DOT1L: variants seen among roughly 807,000 people sequenced by gnomAD.
DOT1L encodes histone-lysine N-methyltransferase, H3 lysine-79 specific.
Under a neutral mutation model 153.3 loss-of-function variants are expected in DOT1L, and 33 were observed. The ratio of observed to expected loss-of-function variants is 0.22; its 90% CI spans 0.16 to 0.29. The LOEUF is 0.29. Ranked by LOEUF, DOT1L falls within the 10% of genes least tolerant of loss-of-function variation. The probability of loss-of-function intolerance (pLI) is 1.00; values close to 1 mark genes in which losing one functional copy is unlikely to be tolerated. For synonymous variants in DOT1L, 1,135 were observed against 965.1 expected (o/e 1.18, Z -3.26); for missense variants, 1,847 against 2,119.9 (o/e 0.87, Z 2.53).
Position 2,222,509 on chromosome 19 carries a change from G to C in DOT1L, c.3340G>C (p.Ala1114Pro), listed in dbSNP as rs771710239. The C allele has an allele frequency of 9.5e-6, 15 of 1,575,556 alleles. No homozygotes were observed. Among genetic ancestry groups the C allele is most frequent in the Non-Finnish European group, 1.3e-5 (15 of 1,164,294 alleles). Residue 1114 changes from alanine (A) to proline (P), a missense_variant, in exon 24 of 28, where the codon GCT becomes CCT. Coordinates refer to ENST00000398665, the MANE Select transcript of DOT1L (RefSeq NM_032482.3). The surrounding 1 kb of genome is among the most constrained non-coding windows in gnomAD (Gnocchi z 6.5). ...SPKRRALPSV[A>P]GLFTQPSGSP... ...CAAGCGCCGAGCCCTGCCGTCCGTC[G>C]CTGGCCTTTTCACACAGCCTTCGGG...
chr19:2,185,740 G>C, intron 2 of DOT1L, 115 bp from the exon 3 acceptor site: 1 of 1,136,526 alleles, frequency 8.8e-7, no homozygotes. Context: ...CTGCACTCCA[G>C]CCTGGGCAAC....
chr19:2,173,964 T>G (rs116853588), intron 1 of DOT1L, among the ~76,000 whole-genome samples: 3,674 of 152,194 alleles, frequency 0.024, 75 homozygotes, highest in Non-Finnish European at 0.041. Flanking sequence ...TTGGGCTGTT[T>G]GTTTGTTTGT....
At position 2,214,467 on chromosome 19, in the gene DOT1L, T is replaced by C. The variant is rs1455071117; in HGVS notation, c.1798-4T>C. The C allele has an allele frequency of 1.2e-6, 2 of 1,612,564 alleles. No individual in the cohort carries two copies. Among genetic ancestry groups the C allele is most frequent in the Non-Finnish European group, 1.7e-6 (2 of 1,179,694 alleles). ...TCGCAACTGTCCCATCCCTATCCCC[T>C]CAGCTCAAGGCTCGCTGCGAGGAGC... On this transcript the variant is annotated splice_region_variant and splice_polypyrimidine_tract_variant and intron_variant, in intron 18 of 27. Transcript: ENST00000398665.
intron 8 of DOT1L, among the ~76,000 whole-genome samples, chr19:2,201,243 C>G (rs970740657): frequency 6.6e-6 from 1 of 151,086 alleles, no homozygotes; most frequent in Non-Finnish European, 1.5e-5. Context: ...TCCTCGTCCT[C>G]CCCTCATTCC....
intron 3 of DOT1L, among the ~76,000 whole-genome samples, chr19:2,188,894 GCCGGTGTTTCTTGTGGCTCACGTGC>G (rs2022667648): frequency 1.3e-5 from 2 of 152,200 alleles, no homozygotes; most frequent in African/African-American, 4.8e-5. Flanking sequence ...GGGCCGCGTG[GCCGGTGTTTCTTGTGGCTCACGTGC>G]CCCACAGACA....
intron 8 of DOT1L, among the ~76,000 whole-genome samples, chr19:2,200,185 C>T (rs1435666502): frequency 6.6e-6 from 1 of 152,172 alleles, no homozygotes; most frequent in East Asian, 1.9e-4. Context: ...CCCGTTCCTG[C>T]TGCCTGTCCC....
Position 2,227,765 on chromosome 19 carries a change from C to T in DOT1L, c.4606+638C>T, listed in dbSNP as rs978284383. On this transcript the variant is annotated intron_variant, in intron 27 of 27. Transcript: ENST00000398665. ...TCTTTAACCACGCGGTGCCCTCCGC[C>T]TCTGCTCATCCGTTTGGAGCCCGTG... The T allele has an allele frequency of 6.1e-6, 8 of 1,320,310 alleles. No individual in the cohort carries two copies. In the Admixed American group the frequency reaches 8.7e-5, roughly 14 times the overall value. 81.8% of individuals were successfully genotyped at this position (1,320,310 alleles called of 1,614,324 possible).
At position 2,210,506 on chromosome 19, in the gene DOT1L, C is replaced by T. The variant is rs777319247; in HGVS notation, c.1112C>T (p.Pro371Leu). Reference sequence around the variant, plus strand: ...AAGGTGGCCGGCCCCGCCGACGCCCCCATGGTAAGGCCCCAGCCTGGCTCC... The same window carrying T: ...AAGGTGGCCGGCCCCGCCGACGCCCTCATGGTAAGGCCCCAGCCTGGCTCC... Reference protein sequence around the residue: ...EGKVAGPADAPMDSGAEEEKA... With the variant: ...EGKVAGPADALMDSGAEEEKA... The change falls in exon 13 of 28, where the codon CCC becomes CTC. Residue 371 changes from proline to leucine, a missense_variant. This residue lies in a region of DOT1L where 205 missense variants were observed against 203.1 expected (regional missense o/e 1.01). Coordinates refer to ENST00000398665, the MANE Select transcript of DOT1L (RefSeq NM_032482.3). 1.9e-6 allele frequency: 3 copies of T among 1,595,546 alleles called. No homozygotes were observed. Among genetic ancestry groups the T allele is most frequent in the African/African-American group, 2.7e-5 (2 of 74,398 alleles).
chr19:2,216,463 T>C lies in DOT1L; in HGVS notation c.2106T>C (p.Pro702=). 1 of 1,612,682 alleles carries C rather than the reference T, an allele frequency of 6.2e-7. No homozygotes were observed. The highest frequency in any genetic ancestry group is 8.5e-7 in the Non-Finnish European group (1 of 1,179,936). The change falls in exon 20 of 28, where the codon CCT becomes CCC. Residue 702 remains proline (P), a synonymous_variant. Coordinates refer to ENST00000398665, the MANE Select transcript of DOT1L (RefSeq NM_032482.3). ...TGGACTGCACCAAGTTCTCGCTGCC[T>C]CACTTGAGCAGCATGAGCCCGGAGC... ...LELDCTKFSL[P]HLSSMSPELS...
At chr19:2,201,738 T>C (rs2023292206) in intron 8 of DOT1L, among the ~76,000 whole-genome samples, 1 of 152,252 alleles carries the variant, frequency 6.6e-6, no homozygotes, top group Non-Finnish European at 1.5e-5. Context: ...CCGAGAGATT[T>C]CTGGCGTCCC....
rs765776020 is a variant in DOT1L at position 2,216,543 on chromosome 19, C to G, written c.2186C>G (p.Pro729Arg). ...GAGCTCTGCGGTGTGCTGAGCCGGC[C>G]TTCGTCGAAGCAGAACACGCCCCAG... is the stretch of plus-strand genomic sequence containing the variant. ...GYELCGVLSR[P>R]SSKQNTPQYL... Residue 729 changes from proline to arginine, a missense_variant, in exon 20 of 28, where the codon CCT becomes CGT. Transcript: ENST00000398665. The G allele has an allele frequency of 6.2e-7, 1 of 1,611,102 alleles. No individual in the cohort carries two copies. Among genetic ancestry groups the G allele is most frequent in the Admixed American group, 1.7e-5 (1 of 60,022 alleles).
Position 2,199,874 on chromosome 19 carries a change from T to G in DOT1L, c.652-10T>G. ...CGGGGGTCCGCGCTCACACCTGTTTTCCCTTTCAGTTGGAGAGAGGCGATT... is the reference window on the plus strand; with the variant it reads ...CGGGGGTCCGCGCTCACACCTGTTTGCCCTTTCAGTTGGAGAGAGGCGATT... On this transcript the variant is annotated splice_polypyrimidine_tract_variant and intron_variant, in intron 7 of 27. Transcript: ENST00000398665. 6.2e-7 allele frequency: 1 copy of G among 1,613,750 alleles called. No homozygotes were observed. The highest frequency in any genetic ancestry group is 1.3e-5 in the African/African-American group (1 of 75,036).
intron 24 of DOT1L, among the ~76,000 whole-genome samples, chr19:2,223,077 G>T (rs571923657): frequency 3.9e-4 from 59 of 152,140 alleles, no homozygotes; most frequent in Middle Eastern, 3.4e-3. Flanking sequence ...CATCAGGAGG[G>T]GGCATGGGGG....
In DOT1L at chr19:2,222,107, T is replaced by A. The variant is rs758668496; in HGVS notation, c.2938T>A (p.Ser980Thr). The change falls in exon 24 of 28, where the codon TCC becomes ACC. Residue 980 changes from serine (S) to threonine (T), a missense_variant. By Grantham distance (58) the Ser-to-Thr change is moderately conservative (BLOSUM62 1). Coordinates refer to ENST00000398665, the MANE Select transcript of DOT1L (RefSeq NM_032482.3). This position sits in a 1 kb window ranked among gnomAD's most constrained non-coding sequence, Gnocchi z 6.5. ...SSGSLFATVG[S>T]RSSTPQHPLL... ...TGGGAGCCTTTTTGCCACCGTGGGG[T>A]CCCGCAGCTCCACGCCACAGCACCC... 6.2e-7 allele frequency: 1 copy of A among 1,612,946 alleles called. No homozygotes were observed. Among genetic ancestry groups the A allele is most frequent in the Admixed American group, 1.7e-5 (1 of 60,002 alleles).
chr19:2,198,902 T>G (rs367563941), intron 7 of DOT1L, among the ~76,000 whole-genome samples: 5 of 152,200 alleles, frequency 3.3e-5, no homozygotes, highest in African/African-American at 4.8e-5. Flanking sequence ...CCTGTTCTCA[T>G]TGGGGTCCTG....
chr19:2,222,585 G>C lies in DOT1L; in HGVS notation c.3390+26G>C. 6.6e-7 allele frequency: 1 copy of C among 1,513,372 alleles called. No individual in the cohort carries two copies. The highest frequency in any genetic ancestry group is 2.3e-5 in the East Asian group (1 of 43,716). The allele number at this position is 1,513,372 out of a possible 1,614,324, so 93.7% of individuals were successfully genotyped here. A position where few individuals can be genotyped will look rare whatever the true frequency, so the allele number is the denominator to read the frequency against. On this transcript the variant is annotated intron_variant, in intron 24 of 27. Transcript: ENST00000398665. This position sits in a 1 kb window ranked among gnomAD's most constrained non-coding sequence, Gnocchi z 6.5. ...GTAAGGATGGGGACCGGCAGGGCTG[G>C]GGAGCGCGGCCTGTGAAAGAAAGAC...
chr19:2,213,743 T>A, intron 17 of DOT1L, 103 bp downstream of exon 17: 1 of 1,598,336 alleles, frequency 6.3e-7, no homozygotes, highest in Non-Finnish European at 8.5e-7. Flanking sequence ...TCTATGCCTC[T>A]GTCCAGCTGT....
chr19:2,208,974 A>C lies in DOT1L; in HGVS notation c.1003A>C (p.Arg335=). 1 of 1,613,056 alleles carries C rather than the reference A, an allele frequency of 6.2e-7. No individual in the cohort carries two copies. Among genetic ancestry groups the C allele is most frequent in the East Asian group, 2.2e-5 (1 of 44,844 alleles). ...YFSSLKNPKL[R]EEQEAARRRQ... ...TTCTAGTCTGAAAAACCCAAAACTCAGGGTAAGTTTGTGTGTTTTTTCTCT... is the reference window on the plus strand; with the variant it reads ...TTCTAGTCTGAAAAACCCAAAACTCCGGGTAAGTTTGTGTGTTTTTTCTCT... The change falls in exon 12 of 28, where the codon AGG becomes CGG. Residue 335 remains arginine, a splice_region_variant and synonymous_variant. Coordinates refer to ENST00000398665, the MANE Select transcript of DOT1L (RefSeq NM_032482.3). The surrounding 1 kb of genome is among the most constrained non-coding windows in gnomAD (Gnocchi z 4.4).
chr19:2,180,653 A>G, intron 1 of DOT1L, 60 bp from the exon 2 acceptor site: 1 of 1,602,170 alleles, frequency 6.2e-7, no homozygotes. Flanking sequence ...CCGGGAAGAG[A>G]GCGATGGGCT....
Sources: gnomAD v4.1 joint callset for allele counts (sites outside exome capture counted in the v4.1 genomes callset) on GRCh38, gnomAD v4.1.1 for gene constraint, gnomAD v4.1.1 regional missense constraint, Gnocchi (gnomAD v3.1) non-coding constraint, MANE v1.5 for transcripts, NCBI Gene and HGNC (gene_info 2026-07-23, HGNC 2026-07-21) for gene names.